CEACAM6: variants seen among roughly 807,000 people sequenced by gnomAD.
CEACAM6 encodes cell adhesion molecule CEACAM6.
In CEACAM6, 21 loss-of-function variants were observed where a neutral mutation model predicts 32.4. The observed-to-expected ratio is 0.65, with a 90% CI of 0.46 to 0.93. The LOEUF (loss-of-function observed/expected upper bound fraction) is 0.93, where lower values mean the gene tolerates loss of function less well. Ranked by LOEUF, CEACAM6 falls within the 40% of genes least tolerant of loss-of-function variation. The probability of loss-of-function intolerance (pLI) is 0.00; values close to 1 mark genes in which losing one functional copy is unlikely to be tolerated. For synonymous variants in CEACAM6, 184 were observed against 174.4 expected (o/e 1.06, Z -0.43); for missense variants, 406 against 432.2 (o/e 0.94, Z 0.54).
At chr19:41,762,328 C>A in intron 4 of CEACAM6, 105 bp downstream of exon 4, 2 of 1,314,770 alleles carry the variant, frequency 1.5e-6, no homozygotes, top group Admixed American at 2.3e-5. Context: ...CCAAGGGGCA[C>A]ACGCAAATCC....
In CEACAM6 at chr19:41,756,708, T is replaced by C; in HGVS notation, c.173T>C (p.Leu58Pro). The C allele has an allele frequency of 1.9e-6, 3 of 1,614,076 alleles. No individual in the cohort carries two copies. The highest frequency in any genetic ancestry group is 2.5e-6 in the Non-Finnish European group (3 of 1,180,004). ...GKEVLLLAHN[L>P]PQNRIGYSWY... Reference sequence around the variant, plus strand: ...GAGGTTCTTCTACTCGCCCACAACCTGCCCCAGAATCGTATTGGTTACAGC... The same window carrying C: ...GAGGTTCTTCTACTCGCCCACAACCCGCCCCAGAATCGTATTGGTTACAGC... The change falls in exon 2 of 6, where the codon CTG (leucine) becomes CCG (proline). Residue 58 changes from leucine (L) to proline (P), a missense_variant. By Grantham distance (98) the Leu-to-Pro change is moderately conservative. Coordinates refer to ENST00000199764, the MANE Select transcript of CEACAM6 (RefSeq NM_002483.7).
chr19:41,757,013 T>G, intron 2 of CEACAM6, 54 bp downstream of exon 2: 1 of 1,557,000 alleles, frequency 6.4e-7, no homozygotes, highest in Non-Finnish European at 8.7e-7. Context: ...ACTTCCCACA[T>G]ACGGGATTGT....
Position 41,771,917 on chromosome 19 carries a change from C to T in CEACAM6, c.*1156C>T, listed in dbSNP as rs1181554594. ...GAAATGTTAAGGAAGAAGATAGATC[C>T]AATTAAAAAAAATTAAAACCAATTT... On this transcript the variant is annotated 3_prime_UTR_variant, in exon 6 of 6. Transcript: ENST00000199764. 4 of 151,062 alleles carry T rather than the reference C, an allele frequency of 2.6e-5. No individual in the cohort carries two copies. In the East Asian group the frequency reaches 7.7e-4, roughly 29 times the overall value. 9.4% of individuals were successfully genotyped at this position (151,062 alleles called of 1,614,324 possible). A position where few individuals can be genotyped will look rare whatever the true frequency, so the allele number is the denominator to read the frequency against.
At chr19:41,758,091 A>G (rs2072900533) in intron 2 of CEACAM6, 1 of 152,232 alleles carries the variant, frequency 6.6e-6, no homozygotes, top group Non-Finnish European at 1.5e-5. Flanking sequence ...TCTGGAAAGT[A>G]AGAAGCAAAC....
chr19:41,769,096 T>C (rs548378666), intron 5 of CEACAM6, among the ~76,000 whole-genome samples: 3 of 151,994 alleles, frequency 2.0e-5, no homozygotes, highest in African/African-American at 7.2e-5. Flanking sequence ...CAGGCATGCG[T>C]CACCATGCCC....
At chr19:41,766,792 G>A (rs2072958751) in intron 5 of CEACAM6, among the ~76,000 whole-genome samples, 1 of 152,030 alleles carries the variant, frequency 6.6e-6, no homozygotes, top group Non-Finnish European at 1.5e-5. Flanking sequence ...GGATCATGAG[G>A]TCAGGAGATA....
chr19:41,763,868 G>T (rs1359476389), intron 4 of CEACAM6, among the ~76,000 whole-genome samples: 2 of 152,222 alleles, frequency 1.3e-5, no homozygotes, highest in Non-Finnish European at 2.9e-5. Flanking sequence ...TAAGTTATCT[G>T]TGAACAGAGA....
At chr19:41,761,189 A>T (rs1430449130) in intron 2 of CEACAM6, 60 bp from the exon 3 acceptor site, 6 of 1,610,554 alleles carry the variant, frequency 3.7e-6, no homozygotes, top group Non-Finnish European at 4.2e-6. Context: ...TGATTGAAAG[A>T]TGCCTGTGGA....
Position 41,762,111 on chromosome 19 carries a change from A to G in CEACAM6, c.846A>G (p.Gln282=). 1.2e-6 allele frequency: 2 copies of G among 1,614,166 alleles called. No homozygotes were observed. The highest frequency in any genetic ancestry group is 1.7e-6 in the Non-Finnish European group (2 of 1,180,024). The change falls in exon 4 of 6, where the codon CAA becomes CAG. Residue 282 remains glutamine (Q), a synonymous_variant. Transcript: ENST00000199764. ...ATGGGACGTTCCAGCAATCCACACA[A>G]GAGCTCTTTATCCCCAACATCACTG... ...FINGTFQQST[Q]ELFIPNITVN...
In CEACAM6 at chr19:41,766,187, T is replaced by C. The variant is rs1555822373; in HGVS notation, c.963T>C (p.Ser321=). ...CTTCTCTCTTCTTCCCACAAGGAAG[T>C]GCTCCTGTCCTCTCAGCTGTGGCCA... ...TTVTMITVSG[S]APVLSAVATV... The change falls in exon 5 of 6, where the codon AGT becomes AGC. Residue 321 remains serine, a synonymous_variant. Coordinates refer to ENST00000199764, the MANE Select transcript of CEACAM6 (RefSeq NM_002483.7). 6.2e-7 allele frequency: 1 copy of C among 1,602,700 alleles called. No individual in the cohort carries two copies. The highest frequency in any genetic ancestry group is 8.5e-7 in the Non-Finnish European group (1 of 1,175,138).
chr19:41,759,851 C>T (rs2072912180), intron 2 of CEACAM6, among the ~76,000 whole-genome samples: 1 of 152,178 alleles, frequency 6.6e-6, no homozygotes, highest in Non-Finnish European at 1.5e-5. Context: ...ACAGGTCAAG[C>T]ATCCCACATC....
At chr19:41,757,596 A>G (rs2072897139) in intron 2 of CEACAM6, among the ~76,000 whole-genome samples, 1 of 152,130 alleles carries the variant, frequency 6.6e-6, no homozygotes, top group Non-Finnish European at 1.5e-5. Context: ...TTACTAGTGC[A>G]TGAGCCCACT....
rs552244143 is a variant in CEACAM6 at position 41,761,116 on chromosome 19, C to T, written c.425-133C>T. On this transcript the variant is annotated intron_variant, in intron 2 of 5. Coordinates refer to ENST00000199764, the MANE Select transcript of CEACAM6 (RefSeq NM_002483.7). ...AAATCATCGTGCATCTGTTGTGTGA[C>T]ACACACACCTGCCAGGGGCTTTTAA... 3.6e-4 allele frequency: 547 copies of T among 1,512,442 alleles called. 1 individual carries two copies. Among genetic ancestry groups the T allele is most frequent in the Non-Finnish European group, 4.4e-4 (494 of 1,119,666 alleles). 93.7% of individuals were successfully genotyped at this position (1,512,442 alleles called of 1,614,324 possible).
Position 41,755,576 on chromosome 19 carries a change from C to T in CEACAM6, c.-63C>T. On this transcript the variant is annotated 5_prime_UTR_variant, in exon 1 of 6. Transcript: ENST00000199764. ...GGGCCAACAGTCACAGCAGCCCTGA[C>T]CAGAGCATTCCTGGAGCTCAAGCTC... 5 of 1,515,604 alleles carry T rather than the reference C, an allele frequency of 3.3e-6. No homozygotes were observed. Among genetic ancestry groups the T allele is most frequent in the South Asian group, 2.2e-5 (2 of 89,014 alleles). 93.9% of individuals were successfully genotyped at this position (1,515,604 alleles called of 1,614,324 possible).
chr19:41,761,662 C>A, intron 3 of CEACAM6, 135 bp downstream of exon 3: 1 of 1,434,506 alleles, frequency 7.0e-7, no homozygotes, highest in Non-Finnish European at 9.5e-7. Context: ...CTGCCCTGAG[C>A]AAACCTGGGC....
At chr19:41,765,746 C>T (rs1055408853) in intron 4 of CEACAM6, among the ~76,000 whole-genome samples, 3 of 152,128 alleles carry the variant, frequency 2.0e-5, no homozygotes, top group African/African-American at 7.2e-5. Context: ...CTGGTGGGAG[C>T]CCATGGGAAG....
In CEACAM6 at chr19:41,772,025, A is replaced by T; in HGVS notation, c.*1264A>T. 1 of 152,162 alleles carries T rather than the reference A, an allele frequency of 6.6e-6. No individual in the cohort carries two copies. The highest frequency in any genetic ancestry group is 2.1e-4 in the South Asian group (1 of 4,836). The allele number at this position is 152,162 out of a possible 1,614,324, so 9.4% of individuals were successfully genotyped here. ...CCCCTCTACTTTAACTTTTACAAAA[A>T]AGTAACCTGAACTAATCTGATGTTA... is the stretch of plus-strand genomic sequence containing the variant. On this transcript the variant is annotated 3_prime_UTR_variant, in exon 6 of 6. Transcript: ENST00000199764.
At chr19:41,763,973 G>A (rs146206998) in intron 4 of CEACAM6, among the ~76,000 whole-genome samples, 2 of 152,358 alleles carry the variant, frequency 1.3e-5, no homozygotes, top group Admixed American at 1.3e-4. Flanking sequence ...TTGAAGAGAA[G>A]TGGGGCAAGC....
intron 5 of CEACAM6, among the ~76,000 whole-genome samples, chr19:41,768,632 G>A (rs2072971399): frequency 6.6e-6 from 1 of 152,210 alleles, no homozygotes; most frequent in East Asian, 1.9e-4. Context: ...CCCAGACGGG[G>A]TGGTGGCCAG....
Sources: allele counts gnomAD v4.1 joint callset (sites outside exome capture counted in the v4.1 genomes callset), GRCh38; gene constraint gnomAD v4.1.1; transcripts MANE v1.5; gene names NCBI Gene and HGNC (gene_info 2026-07-23, HGNC 2026-07-21).